The following PTPRT variants were observed in gnomAD, a reference collection of about 807,000 sequenced individuals.
PTPRT encodes the protein receptor-type tyrosine-protein phosphatase T.
In PTPRT, 56 loss-of-function variants were observed where a neutral mutation model predicts 176.8. The ratio of observed to expected loss-of-function variants is 0.32; its 90% CI spans 0.26 to 0.40. The LOEUF (loss-of-function observed/expected upper bound fraction) is 0.40. Ranked by LOEUF, PTPRT falls within the 10% of genes least tolerant of loss-of-function variation. The pLI, the probability that PTPRT is intolerant of heterozygous loss-of-function variation, is 1.00. For synonymous variants in PTPRT, 783 were observed against 739.0 expected, an observed-to-expected ratio of 1.06 and a Z score of -0.96; for missense variants, 1,540 against 1,908.2, an observed-to-expected ratio of 0.81 and a Z score of 3.60.
intron 6 of PTPRT, among the ~76,000 whole-genome samples, chr20:42,713,295 T>A (rs2076173475): frequency 6.6e-6 from 1 of 152,132 alleles, no homozygotes; most frequent in African/African-American, 2.4e-5. Context: ...ACCACATAAA[T>A]ATATTACCAC....
Position 43,094,631 on chromosome 20 carries a change from C to T in PTPRT, c.88+95015G>A, listed in dbSNP as rs2425586. Among the ~76,000 whole-genome samples the T allele has an allele frequency of 8.7e-3, 1,298 of 149,786 alleles. 16 individuals carry two copies. Among genetic ancestry groups the T allele is most frequent in the African/African-American group, 0.03 (1,232 of 40,586 alleles). ...CAGGCTGGTCTCAAACTCCCAACCTCAAGTATCTGCCCGCCTCAGCCTCCC... is the reference window on the plus strand; with the variant it reads ...CAGGCTGGTCTCAAACTCCCAACCTTAAGTATCTGCCCGCCTCAGCCTCCC... On this transcript the variant is annotated intron_variant, in intron 1 of 30. Coordinates refer to ENST00000373187, the MANE Select transcript of PTPRT (RefSeq NM_007050.6).
At chr20:42,478,192 G>T (rs896127078) in intron 7 of PTPRT, among the ~76,000 whole-genome samples, 1 of 152,212 alleles carries the variant, frequency 6.6e-6, no homozygotes, top group African/African-American at 2.4e-5. Flanking sequence ...CTTGTGGGGA[G>T]AGATGTTGTT....
intron 15 of PTPRT, among the ~76,000 whole-genome samples, chr20:42,228,141 G>T (rs193015965): frequency 2.0e-5 from 3 of 152,180 alleles, no homozygotes; most frequent in African/African-American, 7.2e-5. Flanking sequence ...TTATTAGGTT[G>T]GTTTAAAAGT....
chr20:42,689,789 A>T (rs1569086461), intron 6 of PTPRT, among the ~76,000 whole-genome samples: 1 of 152,084 alleles, frequency 6.6e-6, no homozygotes, highest in Non-Finnish European at 1.5e-5. Flanking sequence ...GGGTGGAGAA[A>T]GGGACCACTA....
Position 42,928,536 on chromosome 20 carries a change from G to A in PTPRT, c.89-42604C>T, listed in dbSNP as rs542656102. Among the ~76,000 whole-genome samples, 3 of 152,312 alleles carry A rather than the reference G, an allele frequency of 2.0e-5. No homozygotes were observed. In the East Asian group the frequency reaches 5.8e-4, roughly 29 times the overall value. ...ATATGTCGGGGTGAGTGACAATGCA[G>A]AGGGAGAATATCAGGGGCCATGGGG... On this transcript the variant is annotated intron_variant, in intron 1 of 30. Transcript: ENST00000373187.
chr20:42,944,437 C>T (rs1461092901), intron 1 of PTPRT, among the ~76,000 whole-genome samples: 1 of 152,190 alleles, frequency 6.6e-6, no homozygotes, highest in Non-Finnish European at 1.5e-5. Context: ...CACTGGCCTC[C>T]CTTTAATCCT....
chr20:42,894,432 G>A (rs2079256998), intron 1 of PTPRT, among the ~76,000 whole-genome samples: 1 of 152,038 alleles, frequency 6.6e-6, no homozygotes, highest in Admixed American at 6.5e-5. Context: ...GTGTTCACCA[G>A]TAGTAACTCA....
intron 18 of PTPRT, among the ~76,000 whole-genome samples, chr20:42,129,052 G>A (rs922497878): frequency 1.3e-5 from 2 of 152,038 alleles, no homozygotes; most frequent in African/African-American, 2.4e-5. Context: ...TTCTGATTTC[G>A]TCATTACCTA....
At chr20:42,594,491 A>G (rs1223955210) in intron 7 of PTPRT, among the ~76,000 whole-genome samples, 1 of 152,226 alleles carries the variant, frequency 6.6e-6, no homozygotes, top group East Asian at 1.9e-4. Context: ...TAATAAAATC[A>G]AATATAATCT....
intron 7 of PTPRT, among the ~76,000 whole-genome samples, chr20:42,599,761 G>A (rs1026794118): frequency 5.3e-5 from 8 of 152,106 alleles, no homozygotes; most frequent in African/African-American, 1.9e-4. Context: ...GACTGACTCT[G>A]GGCATTAATT....
intron 15 of PTPRT, among the ~76,000 whole-genome samples, chr20:42,208,395 C>A (rs938393439): frequency 6.6e-6 from 1 of 151,674 alleles, no homozygotes; most frequent in African/African-American, 2.4e-5. Flanking sequence ...ATTCAGGAAA[C>A]CCATCTCACG....
chr20:42,339,710 T>C (rs1217419802), intron 11 of PTPRT, among the ~76,000 whole-genome samples: 2 of 152,218 alleles, frequency 1.3e-5, no homozygotes, highest in Non-Finnish European at 2.9e-5. Flanking sequence ...CAGGCAGGAC[T>C]CTGCAGGCTT....
chr20:42,881,711 C>T (rs376269827), intron 2 of PTPRT, among the ~76,000 whole-genome samples: 6 of 119,944 alleles, frequency 5.0e-5, no homozygotes, highest in African/African-American at 1.7e-4. Flanking sequence ...GGCAACAGAG[C>T]GACACTCTGT....
chr20:42,938,359 A>G (rs1049036846), intron 1 of PTPRT, among the ~76,000 whole-genome samples: 3 of 152,182 alleles, frequency 2.0e-5, no homozygotes, highest in Admixed American at 2.0e-4. Flanking sequence ...CCACCGAAGC[A>G]CCATTTTCTC....
At chr20:42,410,126 T>C (rs1453538302) in intron 9 of PTPRT, among the ~76,000 whole-genome samples, 4 of 152,008 alleles carry the variant, frequency 2.6e-5, no homozygotes, top group African/African-American at 7.2e-5. Flanking sequence ...TTTCATTACA[T>C]ATAGGAAGGG....
intron 2 of PTPRT, among the ~76,000 whole-genome samples, chr20:42,799,034 G>C (rs2077492486): frequency 6.6e-6 from 1 of 151,974 alleles, no homozygotes; most frequent in African/African-American, 2.4e-5. Context: ...AAAAAGGAAG[G>C]CAGAGAGGAA....
intron 11 of PTPRT, 34 bp from the exon 12 acceptor site, chr20:42,316,030 C>G: frequency 6.2e-7 from 1 of 1,606,648 alleles, no homozygotes. Flanking sequence ...GATGGTTGAG[C>G]AACTTTCTGG....
intron 1 of PTPRT, among the ~76,000 whole-genome samples, chr20:43,091,823 C>T (rs780588150): frequency 2.6e-5 from 4 of 152,108 alleles, no homozygotes; most frequent in East Asian, 1.9e-4. Flanking sequence ...AATTGAACAA[C>T]GGTGAGATAT....
rs574094458 is a variant in PTPRT at position 42,128,609 on chromosome 20, C to G, written c.2847+145G>C. 43 of 586,056 alleles carry G rather than the reference C, an allele frequency of 7.3e-5. No homozygotes were observed. In the East Asian group the frequency reaches 1.3e-3, roughly 17 times the overall value. The allele number at this position is 586,056 out of a possible 1,614,324, so 36.3% of individuals were successfully genotyped here. On this transcript the variant is annotated intron_variant, in intron 19 of 30. Transcript: ENST00000373187. ...GTGGATGCAGTGGTAGATGGACAGT[C>G]AACTTGGGTTACACTAGTTCCACAT... is the stretch of plus-strand genomic sequence containing the variant.
Sources: allele counts gnomAD v4.1 joint callset (sites outside exome capture counted in the v4.1 genomes callset), GRCh38; gene constraint gnomAD v4.1.1; transcripts MANE v1.5; gene names NCBI Gene and HGNC (gene_info 2026-07-23, HGNC 2026-07-21).